The following WIPF1 variants were observed in gnomAD, a reference collection of about 807,000 sequenced individuals.
The protein encoded by WIPF1 is WAS/WASL-interacting protein family member 1.
In WIPF1, 13 loss-of-function variants were observed where a neutral mutation model predicts 35.4. The observed-to-expected ratio is 0.37, with a 90% CI of 0.24 to 0.58. The LOEUF is 0.58. WIPF1 is among the 20% of genes least tolerant of loss of function. The pLI is 0.74. For synonymous variants in WIPF1, 267 were observed against 266.3 expected, an observed-to-expected ratio of 1.00 and a Z score of -0.02; for missense variants, 591 against 667.0, an observed-to-expected ratio of 0.89 and a Z score of 1.25.
At chr2:174,661,194 C>T (rs1687751814) in intron 1 of WIPF1, among the ~76,000 whole-genome samples, 1 of 152,252 alleles carries the variant, frequency 6.6e-6, no homozygotes, top group Non-Finnish European at 1.5e-5. Flanking sequence ...GCCTGAGGGG[C>T]AGCCTGACCG....
intron 1 of WIPF1, among the ~76,000 whole-genome samples, chr2:174,614,117 T>A (rs1311480596): frequency 1.3e-5 from 2 of 152,212 alleles, no homozygotes; most frequent in East Asian, 3.8e-4. Flanking sequence ...ACAAATTTCC[T>A]AAAAACACAG....
intron 1 of WIPF1, among the ~76,000 whole-genome samples, chr2:174,604,114 T>C (rs1316084836): frequency 6.6e-6 from 1 of 152,212 alleles, no homozygotes; most frequent in Non-Finnish European, 1.5e-5. Flanking sequence ...AGCAGACATC[T>C]GTATTCATAA....
intron 1 of WIPF1, among the ~76,000 whole-genome samples, chr2:174,660,333 T>C (rs6709524): frequency 0.074 from 11,208 of 152,222 alleles, 1,375 homozygotes; most frequent in African/African-American, 0.25. Context: ...GTTGCCTAAA[T>C]TTTTTGTGCT....
intron 6 of WIPF1, 73 bp from the exon 7 acceptor site, chr2:174,567,256 G>C: frequency 7.5e-7 from 1 of 1,336,702 alleles, no homozygotes; most frequent in Non-Finnish European, 1.1e-6. Flanking sequence ...GAAAGGCACA[G>C]AATGAAAGAG....
intron 1 of WIPF1, among the ~76,000 whole-genome samples, chr2:174,619,361 T>G (rs1189689731): frequency 1.3e-5 from 2 of 152,218 alleles, no homozygotes; most frequent in East Asian, 1.9e-4. Context: ...AAGTGATCAC[T>G]TGAGTCCAGG....
chr2:174,573,635 T>C (rs1684946339), intron 4 of WIPF1, among the ~76,000 whole-genome samples: 1 of 152,148 alleles, frequency 6.6e-6, no homozygotes, highest in Admixed American at 6.5e-5. Context: ...ACCAGCACTT[T>C]GGGCAGGGTT....
chr2:174,563,500 C>G (rs1406833934), intron 7 of WIPF1, among the ~76,000 whole-genome samples: 1 of 152,016 alleles, frequency 6.6e-6, no homozygotes, highest in Non-Finnish European at 1.5e-5. Flanking sequence ...CCTGAGAGGT[C>G]GAGGCTGCAA....
chr2:174,639,142 T>A lies in WIPF1; in HGVS notation c.-39+43632A>T, dbSNP rs149337664. ...TTTCCTTTTGTTCTTTTGACAATAG[T>A]CATTCTGAATAGAGTGAAGTATATC... On this transcript the variant is annotated intron_variant, in intron 1 of 8. Coordinates refer to the WIPF1 transcript ENST00000272746. Among the ~76,000 whole-genome samples, 45 of 152,366 alleles carry A rather than the reference T, an allele frequency of 3.0e-4. 1 individual carries two copies. In the East Asian group the frequency reaches 8.7e-3, roughly 29 times the overall value.
intron 1 of WIPF1, among the ~76,000 whole-genome samples, chr2:174,651,098 C>T (rs1687524768): frequency 6.6e-6 from 1 of 152,218 alleles, no homozygotes; most frequent in Non-Finnish European, 1.5e-5. Flanking sequence ...TCCTGACGTT[C>T]AAACTTCTAA....
At chr2:174,649,927 C>T (rs1171083108) in intron 1 of WIPF1, among the ~76,000 whole-genome samples, 2 of 152,192 alleles carry the variant, frequency 1.3e-5, no homozygotes, top group Non-Finnish European at 2.9e-5. Flanking sequence ...TCCTCCAGTC[C>T]TGACAATAAC....
At chr2:174,635,525 GTTT>G (rs1687158665) in intron 1 of WIPF1, among the ~76,000 whole-genome samples, 1 of 126,180 alleles carries the variant, frequency 7.9e-6, no homozygotes, top group African/African-American at 3.1e-5. Context: ...GGTGCCTTCT[GTTT>G]GTTTTTTTTT....
At chr2:174,654,651 C>A (rs1352733677) in intron 1 of WIPF1, among the ~76,000 whole-genome samples, 1 of 151,852 alleles carries the variant, frequency 6.6e-6, no homozygotes, top group Non-Finnish European at 1.5e-5. Flanking sequence ...ACTTTCCTTG[C>A]CCTTATTATG....
At chr2:174,630,107 A>G (rs926745312) in intron 1 of WIPF1, among the ~76,000 whole-genome samples, 3 of 152,212 alleles carry the variant, frequency 2.0e-5, no homozygotes, top group Admixed American at 2.0e-4. Flanking sequence ...ACACACACAT[A>G]CACACACGTA....
Position 174,590,952 on chromosome 2 carries a change from C to A in WIPF1, c.-38-5341G>T, listed in dbSNP as rs1028527177. Among the ~76,000 whole-genome samples the A allele has an allele frequency of 2.0e-5, 3 of 152,172 alleles. No homozygotes were observed. The highest frequency in any genetic ancestry group is 4.8e-5 in the African/African-American group (2 of 41,424). Reference sequence around the variant, plus strand: ...ATTACGGTCTGAACTATGTCCCCTGCAAAAGTGATATGCTGAATTCCTGAC... The same window carrying A: ...ATTACGGTCTGAACTATGTCCCCTGAAAAAGTGATATGCTGAATTCCTGAC... On this transcript the variant is annotated intron_variant, in intron 1 of 7. Coordinates refer to ENST00000679041, the MANE Select transcript of WIPF1 (RefSeq NM_001375834.1). This position sits in a 1 kb window ranked among gnomAD's most constrained non-coding sequence, Gnocchi z 4.6.
chr2:174,575,913 G>T lies in WIPF1; in HGVS notation c.182-533C>A, dbSNP rs201610688. Among the ~76,000 whole-genome samples, 622 of 152,020 alleles carry T rather than the reference G, an allele frequency of 4.1e-3. 8 individuals are homozygous for T. The East Asian group carries it at 0.058, about 14-fold the overall frequency. ...CCATAAAAGGCGAGAAGAAAGGAAA[G>T]AGTTAAAAAGAAAAGAAAATAAAAT... On this transcript the variant is annotated intron_variant, in intron 3 of 7. Transcript: ENST00000679041.
At chr2:174,567,004 T>C (rs1393707063) in intron 7 of WIPF1, 66 bp downstream of exon 7, 1 of 1,508,174 alleles carries the variant, frequency 6.6e-7, no homozygotes, top group South Asian at 1.1e-5. Flanking sequence ...GGACTTTCTA[T>C]ATAGCCCGAG....
intron 1 of WIPF1, among the ~76,000 whole-genome samples, chr2:174,621,379 T>A (rs1287002762): frequency 6.6e-6 from 1 of 152,094 alleles, no homozygotes; most frequent in Non-Finnish European, 1.5e-5. Context: ...TATCAGAAAG[T>A]GAATGAAATA....
upstream of WIPF1, among the ~76,000 whole-genome samples, chr2:174,598,625 T>A (rs952725330): frequency 6.6e-5 from 10 of 152,270 alleles, no homozygotes; most frequent in African/African-American, 2.2e-4. Flanking sequence ...TGGCAGCAAA[T>A]GAGTTTTGAA....
chr2:174,572,059 C>T lies in WIPF1; in HGVS notation c.746G>A (p.Arg249Gln), dbSNP rs758556440. The T allele has an allele frequency of 3.9e-6, 6 of 1,552,390 alleles. No individual in the cohort carries two copies. Among genetic ancestry groups the T allele is most frequent in the African/African-American group, 1.4e-5 (1 of 72,964 alleles). ...GCTGGGGGTAGGCGGCAGGGGAGGC[C>T]GGTTGGAGAAGGGCGAGGAGGAGCT... ...PLSSSSPFSN[R>Q]PPLPPTPSRA... Residue 249 changes from arginine to glutamine, a missense_variant, in exon 5 of 8, where the codon CGG (arginine) becomes CAG (glutamine). Physicochemically the swap from Arg to Gln is conservative, Grantham distance 43 (BLOSUM62 1). This residue lies in a region of WIPF1 where 471 missense variants were observed against 501.1 expected (regional missense o/e 0.94). Coordinates refer to ENST00000679041, the MANE Select transcript of WIPF1 (RefSeq NM_001375834.1).
Sources: allele counts gnomAD v4.1 joint callset (sites outside exome capture counted in the v4.1 genomes callset), GRCh38; gene constraint gnomAD v4.1.1; regional missense constraint gnomAD v4.1.1; non-coding constraint Gnocchi (gnomAD v3.1); transcripts MANE v1.5; gene names NCBI Gene and HGNC (gene_info 2026-07-23, HGNC 2026-07-21).